Variants in MTCH2 observed in about 807,000 individuals in gnomAD.
MTCH2 encodes the protein mitochondrial carrier 2.
A neutral mutation model predicts 50.6 loss-of-function variants in MTCH2; 25 were observed. That is an observed-to-expected ratio of 0.49 (90% CI 0.36 to 0.69). The LOEUF is 0.69. Among genes scored for constraint, MTCH2 ranks in the 30% least tolerant of loss-of-function variants. The probability of loss-of-function intolerance (pLI) is 0.00; values close to 1 mark genes in which losing one functional copy is unlikely to be tolerated. For missense variants in MTCH2, 273 were observed against 384.4 expected, an observed-to-expected ratio of 0.71 and a Z score of 2.42; for synonymous variants, 106 against 132.0, an observed-to-expected ratio of 0.80 and a Z score of 1.35.
At chr11:47,629,258 A>T in intron 8 of MTCH2, 1 of 518,594 alleles carries the variant, frequency 1.9e-6, no homozygotes, top group East Asian at 3.4e-5. Flanking sequence ...TTTTGTTCCT[A>T]TGTTTAAAAT....
Position 47,631,083 on chromosome 11 carries a change from G to A in MTCH2, c.432C>T (p.Ile144=), listed in dbSNP as rs2097302595. 1.2e-6 allele frequency: 2 copies of A among 1,612,172 alleles called. No homozygotes were observed. Among genetic ancestry groups the A allele is most frequent in the Non-Finnish European group, 1.7e-6 (2 of 1,178,410 alleles). ...TGAACTGTACCATAGATCTCAGAGT[G>A]ATCACTGTGGAATATAGAGAAAAGA... The part of the protein sequence containing the change: ...ATLITHPFHV[I]TLRSMVQFIG... Residue 144 remains isoleucine, a synonymous_variant, in exon 7 of 13, where the codon ATC becomes ATT. Coordinates refer to ENST00000302503, the MANE Select transcript of MTCH2 (RefSeq NM_014342.4).
intron 3 of MTCH2, 87 bp downstream of exon 3, chr11:47,638,612 C>G: frequency 1.4e-6 from 1 of 704,306 alleles, no homozygotes. Context: ...ATAAATGTAT[C>G]TTTTAAATTG....
chr11:47,605,397 C>G, the MTCH2 span, among the ~76,000 whole-genome samples: 1 of 152,246 alleles, frequency 6.6e-6, no homozygotes, highest in African/African-American at 2.4e-5. Flanking sequence ...ACCAAACTTC[C>G]TATATCCTAT....
chr11:47,608,997 C>T, the MTCH2 span, among the ~76,000 whole-genome samples: 1 of 141,048 alleles, frequency 7.1e-6, no homozygotes, highest in Non-Finnish European at 1.5e-5. Flanking sequence ...TGGTGGTGCA[C>T]ACCTATAATC....
chr11:47,641,339 T>C (rs1206477995), intron 1 of MTCH2, among the ~76,000 whole-genome samples: 1 of 152,242 alleles, frequency 6.6e-6, no homozygotes, highest in Non-Finnish European at 1.5e-5. Flanking sequence ...CTTTAACATA[T>C]GGAATCTGAA....
downstream of MTCH2, chr11:47,617,278 A>T (rs930452198): frequency 6.6e-6 from 1 of 152,238 alleles, no homozygotes; most frequent in Non-Finnish European, 1.5e-5. Context: ...GGAATAGGCA[A>T]GCATGAAAGT....
chr11:47,618,923 GAAAAC>G lies in MTCH2; in HGVS notation c.826-9_826-5del, dbSNP rs751595471. The stretch of plus-strand genomic sequence containing the variant: ...TATTTCCTCGGCTCATATTCCCCTG[GAAAAC>G]AAAACAAAACAAAACACAAATAATA... On this transcript the variant is annotated splice_polypyrimidine_tract_variant and splice_region_variant and intron_variant, in intron 12 of 12. Transcript: ENST00000302503. The G allele has an allele frequency of 9.2e-6, 13 of 1,407,898 alleles. No homozygotes were observed. Among genetic ancestry groups the G allele is most frequent in the Admixed American group, 2.1e-5 (1 of 47,366 alleles). The allele number at this position is 1,407,898 out of a possible 1,614,324, so 87.2% of individuals were successfully genotyped here.
intron 1 of MTCH2, among the ~76,000 whole-genome samples, chr11:47,640,628 C>G (rs951572154): frequency 6.6e-6 from 1 of 151,924 alleles, no homozygotes; most frequent in African/African-American, 2.4e-5. Flanking sequence ...GTTGGCCAGG[C>G]TAGTCTTTAA....
intron 4 of MTCH2, 71 bp downstream of exon 4, chr11:47,635,474 A>AAAGCC: frequency 6.5e-7 from 1 of 1,547,672 alleles, no homozygotes; most frequent in Non-Finnish European, 8.9e-7. Flanking sequence ...CTTTTCTCCA[A>AAAGCC]AAGAGGCCCC....
In MTCH2 at chr11:47,628,980, G is replaced by A. The variant is rs751113792; in HGVS notation, c.606C>T (p.Leu202=). The A allele has an allele frequency of 8.7e-6, 14 of 1,613,780 alleles. No individual in the cohort carries two copies. Among genetic ancestry groups the A allele is most frequent in the Admixed American group, 1.7e-5 (1 of 59,960 alleles). The change falls in exon 9 of 13, where the codon CTC becomes CTT. Residue 202 remains leucine, a synonymous_variant. Transcript: ENST00000302503. ...SLWLCNSLAY[L]VNTYALDSGV... Reference sequence around the variant, plus strand: ...CACTGTCCAGTGCATAGGTATTGACGAGGTAGGCCAGTGAGTTACACAGCC... The same window carrying A: ...CACTGTCCAGTGCATAGGTATTGACAAGGTAGGCCAGTGAGTTACACAGCC...
the MTCH2 span, among the ~76,000 whole-genome samples, chr11:47,610,998 G>C: frequency 6.6e-6 from 1 of 152,216 alleles, no homozygotes; most frequent in South Asian, 2.1e-4. Flanking sequence ...CATCATCAGA[G>C]AGTGTTAAAA....
chr11:47,634,824 G>A (rs2097307054), intron 4 of MTCH2, 90 bp from the exon 5 acceptor site: 1 of 860,708 alleles, frequency 1.2e-6, no homozygotes, highest in South Asian at 1.7e-5. Flanking sequence ...CCAGGCTGGA[G>A]TGCAGTGGCA....
chr11:47,607,732 C>T, the MTCH2 span, among the ~76,000 whole-genome samples: 3 of 152,162 alleles, frequency 2.0e-5, no homozygotes, highest in African/African-American at 4.8e-5. Context: ...GAGAGCCCGT[C>T]GGAGAGGGAA....
chr11:47,619,819 G>A (rs1472628928), intron 12 of MTCH2, among the ~76,000 whole-genome samples: 4 of 152,146 alleles, frequency 2.6e-5, no homozygotes, highest in Non-Finnish European at 5.9e-5. Context: ...GCTCACGCCT[G>A]TAATCTCAGC....
At chr11:47,638,405 C>T (rs1163931244) in intron 3 of MTCH2, among the ~76,000 whole-genome samples, 1 of 138,436 alleles carries the variant, frequency 7.2e-6, no homozygotes, top group Admixed American at 7.6e-5. Flanking sequence ...AAAAATTAGC[C>T]GGGCGCAGTG....
intron 2 of MTCH2, 70 bp downstream of exon 2, chr11:47,638,897 T>C: frequency 6.3e-7 from 1 of 1,577,218 alleles, no homozygotes; most frequent in East Asian, 2.2e-5. Context: ...ATATATTTTC[T>C]TTCAATAACA....
chr11:47,631,615 G>A, intron 6 of MTCH2, 39 bp downstream of exon 6: 1 of 1,605,832 alleles, frequency 6.2e-7, no homozygotes, highest in Non-Finnish European at 8.5e-7. Flanking sequence ...GGAGAGATCA[G>A]GTTATAAAAG....
Position 47,628,979 on chromosome 11 carries a change from C to T in MTCH2, c.607G>A (p.Val203Ile), listed in dbSNP as rs765893027. 21 of 1,613,456 alleles carry T rather than the reference C, an allele frequency of 1.3e-5. No individual in the cohort carries two copies. The highest frequency in any genetic ancestry group is 1.7e-5 in the Admixed American group (1 of 59,906). Residue 203 changes from valine to isoleucine, a missense_variant, in exon 9 of 13, where the codon GTC becomes ATC. By Grantham distance (29) the Val-to-Ile change is conservative (BLOSUM62 3). Coordinates refer to ENST00000302503, the MANE Select transcript of MTCH2 (RefSeq NM_014342.4). ...CCACTGTCCAGTGCATAGGTATTGA[C>T]GAGGTAGGCCAGTGAGTTACACAGC... ...LWLCNSLAYL[V>I]NTYALDSGVS... is the part of the protein sequence containing the mutation.
chr11:47,616,989 T>A (rs2097288832), downstream of MTCH2, among the ~76,000 whole-genome samples: 1 of 152,200 alleles, frequency 6.6e-6, no homozygotes, highest in African/African-American at 2.4e-5. Flanking sequence ...CGGTCGCATG[T>A]GTTTCTTAAT....
Sources: allele counts gnomAD v4.1 joint callset (sites outside exome capture counted in the v4.1 genomes callset), GRCh38; gene constraint gnomAD v4.1.1; transcripts MANE v1.5; gene names NCBI Gene and HGNC (gene_info 2026-07-23, HGNC 2026-07-21).